Variants in MEGF11 observed in about 807,000 individuals in gnomAD.
MEGF11 encodes the protein multiple epidermal growth factor-like domains protein 11.
A neutral mutation model predicts 146.6 loss-of-function variants in MEGF11; 126 were observed. The observed-to-expected ratio is 0.86, with a 90% confidence interval of 0.74 to 1.00. The LOEUF is 1.00. Among genes scored for constraint, MEGF11 ranks in the 50% least tolerant of loss-of-function variants. MEGF11 has a pLI of 0.00. For missense variants in MEGF11, 1,509 were observed against 1,521.2 expected (o/e 0.99, Z 0.13); for synonymous variants, 532 against 583.4 (o/e 0.91, Z 1.27).
intron 4 of MEGF11, among the ~76,000 whole-genome samples, chr15:66,115,923 A>C (rs2087704028): frequency 1.3e-5 from 2 of 152,140 alleles, no homozygotes; most frequent in South Asian, 2.1e-4. Flanking sequence ...TGGATCTCAG[A>C]CTTCTGAGCC....
chr15:66,082,466 A>ATCTATCT (rs771903283), intron 5 of MEGF11, among the ~76,000 whole-genome samples: 2 of 72,642 alleles, frequency 2.8e-5, no homozygotes, highest in Non-Finnish European at 4.8e-5. Flanking sequence ...AAAAAAAAAA[A>ATCTATCT]ATCTATCTAT....
rs1026035979 is a variant in MEGF11, at chr15:65,897,768, A to G, written c.*166T>C. On this transcript the variant is annotated 3_prime_UTR_variant, in exon 26 of 26. Transcript: ENST00000395614. ...TGCCTTTGAGAACACAATTCCTTGA[A>G]CAATTATCCCAGTCCCACCTGGACG... is the stretch of plus-strand genomic sequence containing the variant. 1.5e-5 allele frequency: 9 copies of G among 606,788 alleles called. No individual in the cohort carries two copies. Among genetic ancestry groups the G allele is most frequent in the Non-Finnish European group, 2.1e-5 (8 of 376,588 alleles). The allele number at this position is 606,788 out of a possible 1,614,324, so 37.6% of individuals were successfully genotyped here. A position where few individuals can be genotyped will look rare whatever the true frequency, so the allele number is the denominator to read the frequency against.
chr15:66,119,010 ACCTCC>A (rs1555472871), intron 4 of MEGF11, 71 bp downstream of exon 4: 28 of 782,482 alleles, frequency 3.6e-5, no homozygotes, highest in East Asian at 5.6e-5. Context: ...TATCAGCCCC[ACCTCC>A]CCTCCCCTCC....
intron 10 of MEGF11, among the ~76,000 whole-genome samples, chr15:65,942,548 G>C (rs1056382948): frequency 2.0e-5 from 3 of 152,162 alleles, no homozygotes; most frequent in Non-Finnish European, 4.4e-5. Flanking sequence ...TGACTATGGT[G>C]GTGGTGGTGG....
intron 10 of MEGF11, among the ~76,000 whole-genome samples, chr15:65,953,490 T>C (rs1567173898): frequency 6.6e-6 from 1 of 152,142 alleles, no homozygotes; most frequent in African/African-American, 2.4e-5. Flanking sequence ...CATCTGCAAA[T>C]TGAGGAAAGT....
intron 13 of MEGF11, 131 bp downstream of exon 13, chr15:65,928,294 C>A (rs574247849): frequency 1.0e-3 from 575 of 550,762 alleles, no homozygotes; most frequent in South Asian, 1.9e-3. Context: ...GAACCCAGAG[C>A]AGATAAAGGG....
intron 5 of MEGF11, among the ~76,000 whole-genome samples, chr15:66,035,870 T>G (rs886593099): frequency 6.6e-6 from 1 of 152,224 alleles, no homozygotes; most frequent in Admixed American, 6.5e-5. Context: ...TATATTATAG[T>G]TTTGCATGTT....
chr15:66,202,586 C>A (rs1466030074), intron 1 of MEGF11, among the ~76,000 whole-genome samples: 2 of 152,226 alleles, frequency 1.3e-5, no homozygotes, highest in African/African-American at 4.8e-5. Flanking sequence ...CCCCAACATC[C>A]TGCTCACCCT....
intron 5 of MEGF11, among the ~76,000 whole-genome samples, chr15:65,984,135 T>G (rs1212765869): frequency 6.6e-6 from 1 of 152,170 alleles, no homozygotes; most frequent in Non-Finnish European, 1.5e-5. Context: ...ACTGCCAAGT[T>G]ATGAGTGAGT....
chr15:66,090,163 G>A lies in MEGF11; in HGVS notation c.394+4239C>T, dbSNP rs1442941176. ...GAATGAGAAGTCCCCACCCAACCCC[G>A]GTACTACATTTATCCCCTTCACTGC... is the stretch of plus-strand genomic sequence containing the variant. On this transcript the variant is annotated intron_variant, in intron 5 of 25. Coordinates refer to ENST00000395614, the MANE Select transcript of MEGF11 (RefSeq NM_001385028.1). Among the ~76,000 whole-genome samples, 5 of 152,104 alleles carry A rather than the reference G, an allele frequency of 3.3e-5. No homozygotes were observed. In the South Asian group the frequency reaches 8.3e-4, roughly 25 times the overall value.
rs756087991 is a variant in MEGF11, at chr15:66,001,604, C to T, written c.395-19116G>A. ...CTCTATTTCCATCTCGGTGGCCTCA[C>T]TCTCATTTTCACCTCCTTTACTCTG... On this transcript the variant is annotated intron_variant, in intron 5 of 25. Transcript: ENST00000395614. Among the ~76,000 whole-genome samples, 6 of 151,274 alleles carry T rather than the reference C, an allele frequency of 4.0e-5. No individual in the cohort carries two copies. The South Asian group carries it at 1.3e-3, about 32-fold the overall frequency.
intron 4 of MEGF11, among the ~76,000 whole-genome samples, chr15:66,107,367 G>A (rs897916834): frequency 2.0e-5 from 3 of 152,188 alleles, no homozygotes; most frequent in Non-Finnish European, 2.9e-5. Context: ...TTTGGGGACC[G>A]GCATGCCCAT....
At chr15:66,090,208 T>C (rs1024796011) in intron 5 of MEGF11, among the ~76,000 whole-genome samples, 1 of 150,624 alleles carries the variant, frequency 6.6e-6, no homozygotes, top group Non-Finnish European at 1.5e-5. Flanking sequence ...CATAAATCCA[T>C]TGGCAGCCAC....
chr15:66,070,465 A>G (rs1887285651), intron 5 of MEGF11, among the ~76,000 whole-genome samples: 1 of 152,248 alleles, frequency 6.6e-6, no homozygotes, highest in African/African-American at 2.4e-5. Context: ...AGGATTAAGC[A>G]TTAAGCCTTA....
intron 5 of MEGF11, among the ~76,000 whole-genome samples, chr15:65,993,565 T>C (rs535882714): frequency 6.6e-6 from 1 of 152,324 alleles, no homozygotes; most frequent in Non-Finnish European, 1.5e-5. Context: ...GACACCGGGC[T>C]AGCCTTGTTG....
At chr15:66,043,131 G>A (rs1346718036) in intron 5 of MEGF11, among the ~76,000 whole-genome samples, 1 of 152,240 alleles carries the variant, frequency 6.6e-6, no homozygotes, top group Non-Finnish European at 1.5e-5. Context: ...AGCTTTCCTT[G>A]TCTTCACATA....
At chr15:65,911,790 C>G (rs2078818185) in intron 21 of MEGF11, among the ~76,000 whole-genome samples, 1 of 152,210 alleles carries the variant, frequency 6.6e-6, no homozygotes, top group Admixed American at 6.5e-5. Flanking sequence ...AAAGCAAATA[C>G]ATGATTACAT....
intron 5 of MEGF11, among the ~76,000 whole-genome samples, chr15:66,035,616 G>A (rs1342433177): frequency 6.6e-6 from 1 of 152,112 alleles, no homozygotes; most frequent in African/African-American, 2.4e-5. Flanking sequence ...GCATTTCTAT[G>A]GTGTTTATGA....
At chr15:65,951,835 C>CA (rs1279451990) in intron 10 of MEGF11, among the ~76,000 whole-genome samples, 1 of 151,870 alleles carries the variant, frequency 6.6e-6, no homozygotes, top group African/African-American at 2.4e-5. Flanking sequence ...TCCATCTCTA[C>CA]AAATTTTTTT....
Sources: gnomAD v4.1 joint callset for allele counts (sites outside exome capture counted in the v4.1 genomes callset) on GRCh38, gnomAD v4.1.1 for gene constraint, MANE v1.5 for transcripts, NCBI Gene and HGNC (gene_info 2026-07-23, HGNC 2026-07-21) for gene names.